MCTP2: variants seen among roughly 807,000 people sequenced by gnomAD.
MCTP2 encodes the protein multiple C2 and transmembrane domain containing 2.
A neutral mutation model predicts 111.6 loss-of-function variants in MCTP2; 132 were observed. That is an observed-to-expected ratio of 1.18 (90% confidence interval 1.03 to 1.37). The LOEUF is 1.37. Ranked by LOEUF, MCTP2 falls within the 40% of genes most tolerant of loss-of-function variation. The pLI is 0.00. For missense variants in MCTP2, 1,183 were observed against 1,067.9 expected, an observed-to-expected ratio of 1.11 and a Z score of -1.50; for synonymous variants, 395 against 387.7, an observed-to-expected ratio of 1.02 and a Z score of -0.22.
At chr15:94,369,438 A>G (rs2079368900) in intron 11 of MCTP2, among the ~76,000 whole-genome samples, 1 of 152,192 alleles carries the variant, frequency 6.6e-6, no homozygotes, top group Non-Finnish European at 1.5e-5. Flanking sequence ...TAAGGATGCC[A>G]TGTATATAAA....
chr15:94,411,009 G>A (rs2082128614), intron 17 of MCTP2, among the ~76,000 whole-genome samples: 1 of 152,208 alleles, frequency 6.6e-6, no homozygotes, highest in African/African-American at 2.4e-5. Context: ...AGGAGGAAGA[G>A]AGCTGGAAAA....
intron 1 of MCTP2, among the ~76,000 whole-genome samples, chr15:94,233,301 CAAAATATGTTAAAAGATA>C (rs2070317137): frequency 6.6e-6 from 1 of 151,490 alleles, no homozygotes; most frequent in Admixed American, 6.6e-5. Flanking sequence ...AAAGGCCTTT[CAAAATATGTTAAAAGATA>C]AAATTTATTA....
At chr15:94,284,656 G>A (rs1455769) in intron 1 of MCTP2, among the ~76,000 whole-genome samples, 101,223 of 152,082 alleles carry the variant, frequency 0.67, 34,327 homozygotes, top group African/African-American at 0.81. Flanking sequence ...AATAAATTCA[G>A]TTTTAGGACA....
At chr15:94,398,298 T>C (rs781106135) in intron 14 of MCTP2, among the ~76,000 whole-genome samples, 4 of 152,238 alleles carry the variant, frequency 2.6e-5, no homozygotes, top group African/African-American at 4.8e-5. Context: ...CTTTATTCAT[T>C]TCTGTTAAAA....
At chr15:94,404,733 GC>G (rs1477820910) in intron 17 of MCTP2, among the ~76,000 whole-genome samples, 2 of 152,006 alleles carry the variant, frequency 1.3e-5, no homozygotes, top group African/African-American at 2.4e-5. Context: ...GACTGGATTG[GC>G]GGGGCGGGTT....
At chr15:94,444,872 T>C (rs938006898) in intron 19 of MCTP2, among the ~76,000 whole-genome samples, 4 of 152,216 alleles carry the variant, frequency 2.6e-5, no homozygotes, top group Admixed American at 6.5e-5. Context: ...TAGAAGAGGA[T>C]GTCCTCCCCG....
At chr15:94,240,238 T>C (rs928060003) in intron 1 of MCTP2, among the ~76,000 whole-genome samples, 2 of 152,148 alleles carry the variant, frequency 1.3e-5, no homozygotes, top group Non-Finnish European at 2.9e-5. Flanking sequence ...TTAGGAACCC[T>C]ATTAGATAGG....
At position 94,468,007 on chromosome 15, in the gene MCTP2, A is replaced by C. The variant is rs571223722; in HGVS notation, c.2361-2326A>C. 2.0e-5 allele frequency among the ~76,000 whole-genome samples: 3 copies of C among 152,338 alleles called. No homozygotes were observed. In the East Asian group the frequency reaches 5.8e-4, roughly 29 times the overall value. ...GGAGGGCTTTGGTAAGCCTGGCCAA[A>C]TCTAGACATTGACAAGGAAAAACTG... On this transcript the variant is annotated intron_variant, in intron 20 of 22. Coordinates refer to ENST00000357742, the MANE Select transcript of MCTP2 (RefSeq NM_001385001.1).
chr15:94,412,550 G>A (rs563027984), intron 17 of MCTP2, among the ~76,000 whole-genome samples: 22 of 152,122 alleles, frequency 1.4e-4, no homozygotes, highest in Non-Finnish European at 2.6e-4. Context: ...GATGATGAAC[G>A]GTGTTTTTGT....
chr15:94,310,280 A>T (rs966085806), intron 2 of MCTP2, among the ~76,000 whole-genome samples: 1 of 152,224 alleles, frequency 6.6e-6, no homozygotes, highest in African/African-American at 2.4e-5. Flanking sequence ...TGATGAAAAT[A>T]TACAATTACT....
At chr15:94,328,230 A>G (rs11634855) in intron 4 of MCTP2, among the ~76,000 whole-genome samples, 26,786 of 149,734 alleles carry the variant, frequency 0.18, 2,798 homozygotes, top group Middle Eastern at 0.34. Context: ...CCGGGTTCAT[A>G]CCATTCTCCT....
Position 94,358,572 on chromosome 15 carries a change from TG to T in MCTP2, c.1265del (p.Gly422GlufsTer23). Reference protein sequence around the residue: ...DRMGILDIEVWGKDNKKHEER... With the variant: ...DRMGILDIEVXGKDNKKHEER... Reference sequence around the variant, plus strand: ...GATGGGCATTTTGGACATTGAAGTGTGGGGAAAGGACAACAAAAAGCATGAG... The same window carrying T: ...GATGGGCATTTTGGACATTGAAGTGTGGGAAAGGACAACAAAAAGCATGAG... On this transcript the variant is annotated frameshift_variant, in exon 10 of 23. Transcript: ENST00000357742. LOFTEE classifies it high-confidence loss of function. The T allele has an allele frequency of 6.2e-7, 1 of 1,613,744 alleles. No individual in the cohort carries two copies. The highest frequency in any genetic ancestry group is 8.5e-7 in the Non-Finnish European group (1 of 1,179,772).
chr15:94,260,215 C>T (rs1389568257), intron 1 of MCTP2, among the ~76,000 whole-genome samples: 4 of 152,116 alleles, frequency 2.6e-5, no homozygotes, highest in East Asian at 1.9e-4. Context: ...TAAGGGTATG[C>T]GAAAATTCCT....
chr15:94,378,643 A>T (rs2079917750), intron 12 of MCTP2, among the ~76,000 whole-genome samples: 3 of 152,228 alleles, frequency 2.0e-5, no homozygotes, highest in Admixed American at 2.0e-4. Context: ...AGCAAGGTGA[A>T]GTCCTATTTT....
intron 1 of MCTP2, among the ~76,000 whole-genome samples, chr15:94,292,096 C>T (rs375811313): frequency 2.8e-4 from 43 of 152,044 alleles, no homozygotes; most frequent in African/African-American, 1.0e-3. Flanking sequence ...ATCATAAAGA[C>T]AAGAGTAGAA....
chr15:94,314,388 T>C lies in MCTP2; in HGVS notation c.528+44T>C. ...AAAGAAACATTAAATGTTGTAGATATTTCTCATCAAATGTTTGGGTTTGTA... is the reference window on the plus strand; with the variant it reads ...AAAGAAACATTAAATGTTGTAGATACTTCTCATCAAATGTTTGGGTTTGTA... On this transcript the variant is annotated intron_variant, in intron 3 of 22. Transcript: ENST00000357742. 4 of 1,390,712 alleles carry C rather than the reference T, an allele frequency of 2.9e-6. No homozygotes were observed. The South Asian group carries it at 3.8e-5, about 13-fold the overall frequency. The allele number at this position is 1,390,712 out of a possible 1,614,324, so 86.1% of individuals were successfully genotyped here.
At chr15:94,440,130 A>T (rs2083692432) in intron 17 of MCTP2, 46 bp from the exon 18 acceptor site, 1 of 1,604,676 alleles carries the variant, frequency 6.2e-7, no homozygotes, top group South Asian at 1.1e-5. Flanking sequence ...TTGCTCCCCT[A>T]GTGTTTTATC....
At chr15:94,450,033 C>T (rs1330931826) in intron 19 of MCTP2, among the ~76,000 whole-genome samples, 2 of 151,892 alleles carry the variant, frequency 1.3e-5, no homozygotes, top group Non-Finnish European at 2.9e-5. Context: ...TTGTGAGTAT[C>T]TTCCTATTGA....
intron 8 of MCTP2, among the ~76,000 whole-genome samples, chr15:94,354,833 G>T (rs1392758202): frequency 6.6e-6 from 1 of 152,148 alleles, no homozygotes; most frequent in African/African-American, 2.4e-5. Flanking sequence ...ACCATTTGTT[G>T]TGATAAATTG....
Sources: gnomAD v4.1 joint callset for allele counts (sites outside exome capture counted in the v4.1 genomes callset) on GRCh38, gnomAD v4.1.1 for gene constraint, MANE v1.5 for transcripts, NCBI Gene and HGNC (gene_info 2026-07-23, HGNC 2026-07-21) for gene names.